MORC4: variants seen among roughly 807,000 people sequenced by gnomAD.
The protein encoded by MORC4 is MORC family CW-type zinc finger 4.
MORC4 carries 22 observed loss-of-function variants against 65.5 expected under a neutral mutation model. That is an observed-to-expected ratio of 0.34 (90% CI 0.24 to 0.48). The LOEUF (loss-of-function observed/expected upper bound fraction) is 0.48, where lower values mean the gene tolerates loss of function less well. Ranked by LOEUF, MORC4 falls within the 20% of genes least tolerant of loss-of-function variation. The pLI is 0.99. For synonymous variants in MORC4, 267 were observed against 255.8 expected (o/e 1.04, Z -0.42); for missense variants, 624 against 703.0 (o/e 0.89, Z 1.27).
chrX:106,998,619 C>A (rs147425526), intron 2 of MORC4, among the ~76,000 whole-genome samples: 58 of 112,695 alleles, frequency 5.1e-4, no homozygotes, highest in Middle Eastern at 4.7e-3. Context: ...CAGTACCAAA[C>A]CTCAAAGATA....
At chrX:106,963,305 T>C (rs1445100657) in intron 9 of MORC4, among the ~76,000 whole-genome samples, 2 of 112,213 alleles carry the variant, frequency 1.8e-5, no homozygotes, top group Middle Eastern at 4.6e-3. Context: ...GATGTAACTA[T>C]TTTGAAACTC....
intron 3 of MORC4, among the ~76,000 whole-genome samples, chrX:106,989,593 G>A (rs1411928785): frequency 8.9e-6 from 1 of 111,781 alleles, no homozygotes; most frequent in Admixed American, 9.5e-5. Context: ...ACAGCACCAG[G>A]CACGGTGGCT....
chrX:106,996,751 C>G (rs1459558406), intron 2 of MORC4, among the ~76,000 whole-genome samples: 2 of 112,161 alleles, frequency 1.8e-5, no homozygotes, highest in Non-Finnish European at 3.8e-5. Flanking sequence ...AGCCCATGTG[C>G]TACCAGATCA....
At chrX:106,987,503 A>G (rs1413353574) in intron 3 of MORC4, among the ~76,000 whole-genome samples, 6 of 112,109 alleles carry the variant, frequency 5.4e-5, no homozygotes, top group Middle Eastern at 4.6e-3. Context: ...CATTTTTAAT[A>G]AGAGACATGA....
intron 14 of MORC4, among the ~76,000 whole-genome samples, chrX:106,948,996 AT>A (rs1933911961): frequency 9.0e-6 from 1 of 111,015 alleles, no homozygotes; most frequent in Non-Finnish European, 1.9e-5. Context: ...TTCTTGAAAT[AT>A]TTTTTCTACT....
intron 3 of MORC4, among the ~76,000 whole-genome samples, chrX:106,987,100 G>A (rs1352869283): frequency 8.9e-6 from 1 of 111,748 alleles, no homozygotes; most frequent in Non-Finnish European, 1.9e-5. Flanking sequence ...AATAGAGTTT[G>A]GCAAATGAGT....
At chrX:106,956,028 CA>C (rs1350242605) in intron 13 of MORC4, among the ~76,000 whole-genome samples, 1 of 111,280 alleles carries the variant, frequency 9.0e-6, no homozygotes, top group African/African-American at 3.3e-5. Flanking sequence ...TTCAAAACAG[CA>C]GAATTTTTAT....
chrX:106,957,088 T>G, intron 11 of MORC4, 84 bp from the exon 12 acceptor site: 1 of 537,463 alleles, frequency 1.9e-6, no homozygotes, highest in African/African-American at 2.3e-5. Context: ...ACTATGCAGG[T>G]TAACAACTCT....
intron 9 of MORC4, among the ~76,000 whole-genome samples, chrX:106,968,642 C>CAAAAAAAAAAAA (rs1194053588): frequency 1.1e-4 from 2 of 17,982 alleles, no homozygotes; most frequent in African/African-American, 4.2e-4. Context: ...AAATGGAAAG[C>CAAAAAAAAAAAA]AAAAAAAAAA....
At chrX:106,967,240 T>C (rs765256567) in intron 9 of MORC4, among the ~76,000 whole-genome samples, 2 of 111,640 alleles carry the variant, frequency 1.8e-5, no homozygotes, top group East Asian at 5.7e-4. Flanking sequence ...GAAGGAAAAC[T>C]AACAAACAGA....
chrX:106,944,753 T>C (rs924379321), intron 14 of MORC4, among the ~76,000 whole-genome samples: 97 of 111,687 alleles, frequency 8.7e-4, no homozygotes, highest in African/African-American at 3.1e-3. Flanking sequence ...TCCTTTTCCC[T>C]ATGTTTCCTA....
At chrX:106,989,618 C>T (rs769943772) in intron 3 of MORC4, among the ~76,000 whole-genome samples, 10 of 111,754 alleles carry the variant, frequency 8.9e-5, no homozygotes, top group Non-Finnish European at 1.9e-4. Context: ...CCTGTAATCC[C>T]AGCACTTTGG....
chrX:106,980,986 T>C lies in MORC4; in HGVS notation c.841A>G (p.Met281Val), dbSNP rs772694245. The part of the protein sequence containing the change: ...FCGILYMKPR[M>V]KIFLRQKKVT... ...TTCTTTTGACGCAGAAAAATTTTCA[T>C]GCGTGGCTTCATGTATAGAATACCA... Residue 281 changes from methionine to valine, a missense_variant, in exon 7 of 17, where the codon ATG becomes GTG. Transcript: ENST00000355610. 1.7e-5 allele frequency: 21 copies of C among 1,208,377 alleles called. No homozygotes were observed. Among genetic ancestry groups the C allele is most frequent in the Admixed American group, 1.5e-4 (7 of 45,667 alleles).
chrX:106,947,991 TGATAA>T (rs1007809643), intron 14 of MORC4, among the ~76,000 whole-genome samples: 4 of 111,276 alleles, frequency 3.6e-5, no homozygotes, highest in South Asian at 7.6e-4. Context: ...TTTCTGTTAC[TGATAA>T]GATAAAATTT....
chrX:106,970,716 C>T (rs1337144814), intron 9 of MORC4, among the ~76,000 whole-genome samples: 1 of 111,784 alleles, frequency 8.9e-6, no homozygotes, highest in Non-Finnish European at 1.9e-5. Flanking sequence ...CTGCCCTTCA[C>T]AGTTGCTACT....
In MORC4 at chrX:106,942,904, C is replaced by T; in HGVS notation, c.1987G>A (p.Glu663Lys). Residue 663 changes from glutamate (E) to lysine (K), a missense_variant, in exon 15 of 17, where the codon GAA becomes AAA. By Grantham distance (56) the Glu-to-Lys change is moderately conservative. Coordinates refer to ENST00000355610, the MANE Select transcript of MORC4 (RefSeq NM_024657.5). ...RQGSLLPEELEDQMPRLVAEE... is the reference protein window; with the variant it reads ...RQGSLLPEELKDQMPRLVAEE... ...GCCACCAATCTTGGCATCTGATCTT[C>T]TAATTCTTCAGGAAGCAGGGACCCC... is the stretch of plus-strand genomic sequence containing the variant. The T allele has an allele frequency of 8.3e-7, 1 of 1,212,040 alleles. No individual in the cohort carries two copies. The highest frequency in any genetic ancestry group is 1.8e-5 in the South Asian group (1 of 56,980).
intron 12 of MORC4, 67 bp downstream of exon 12, chrX:106,956,869 C>T (rs1031834825): frequency 2.6e-5 from 22 of 859,678 alleles, no homozygotes; most frequent in African/African-American, 1.6e-4. Context: ...TCAAAACTCC[C>T]GTCCTGTAAG....
intron 14 of MORC4, among the ~76,000 whole-genome samples, chrX:106,946,280 T>C (rs1372049497): frequency 8.9e-6 from 1 of 112,551 alleles, no homozygotes; most frequent in African/African-American, 3.2e-5. Flanking sequence ...GACACTACTC[T>C]ACTTTCTGTC....
Position 106,984,823 on chromosome X carries a change from A to T in MORC4, c.674+273T>A, listed in dbSNP as rs142142248. Among the ~76,000 whole-genome samples the T allele has an allele frequency of 6.3e-3, 686 of 108,684 alleles. 6 individuals carry two copies. Among genetic ancestry groups the T allele is most frequent in the African/African-American group, 0.022 (649 of 29,809 alleles). 94.4% of individuals were successfully genotyped at this position (108,684 alleles called of 115,157 possible). On this transcript the variant is annotated intron_variant, in intron 5 of 16. Transcript: ENST00000355610. ...AAGTTACATAAAAGTATGCAATGAG[A>T]TATATATTAAAATTTATCTACTTTG...
Sources: gnomAD v4.1 joint callset for allele counts (sites outside exome capture counted in the v4.1 genomes callset) on GRCh38, gnomAD v4.1.1 for gene constraint, MANE v1.5 for transcripts, NCBI Gene and HGNC (gene_info 2026-07-23, HGNC 2026-07-21) for gene names.